The following ZNF571 variants were observed in gnomAD, a reference collection of about 807,000 sequenced individuals.
ZNF571 encodes zinc finger protein 571.
In ZNF571, 4 loss-of-function variants were observed where a neutral mutation model predicts 7.7. That is an observed-to-expected ratio of 0.52 (90% CI 0.25 to 1.18). The LOEUF (loss-of-function observed/expected upper bound fraction) is 1.18, where lower values mean the gene tolerates loss of function less well. Ranked by LOEUF, ZNF571 falls within the 50% of genes most tolerant of loss-of-function variation. The probability of loss-of-function intolerance (pLI) is 0.14; values close to 1 mark genes in which losing one functional copy is unlikely to be tolerated. For missense variants in ZNF571, 704 were observed against 726.9 expected, an observed-to-expected ratio of 0.97 and a Z score of 0.36; for synonymous variants, 251 against 232.4, an observed-to-expected ratio of 1.08 and a Z score of -0.73.
intron 1 of ZNF571, among the ~76,000 whole-genome samples, chr19:37,592,925 T>C (rs1454136730): frequency 6.6e-6 from 1 of 152,178 alleles, no homozygotes; most frequent in African/African-American, 2.4e-5. Flanking sequence ...CTATCATGCA[T>C]TAAGTAAGTT....
intron 1 of ZNF571, among the ~76,000 whole-genome samples, chr19:37,588,263 A>G (rs1053698807): frequency 6.6e-6 from 1 of 152,114 alleles, no homozygotes; most frequent in African/African-American, 2.4e-5. Context: ...AGATACATTC[A>G]ATTTAAATTC....
chr19:37,573,796 G>A (rs1364171820), intron 3 of ZNF571, among the ~76,000 whole-genome samples: 1 of 149,658 alleles, frequency 6.7e-6, no homozygotes, highest in Non-Finnish European at 1.5e-5. Flanking sequence ...CTGTGCCACT[G>A]CACTCCAGTC....
At position 37,566,015 on chromosome 19, in the gene ZNF571, A is replaced by G. The variant is rs2042844678; in HGVS notation, c.413T>C (p.Leu138Ser). 2 of 1,613,938 alleles carry G rather than the reference A, an allele frequency of 1.2e-6. No individual in the cohort carries two copies. The highest frequency in any genetic ancestry group is 1.3e-5 in the African/African-American group (1 of 74,924). ...TTGTCTGCATTCCTTACATTTGTACAATTTTTCCTTGGTAGGAATTATCCG... is the reference window on the plus strand; with the variant it reads ...TTGTCTGCATTCCTTACATTTGTACGATTTTTCCTTGGTAGGAATTATCCG... ...FHRIIPTKEK[L>S]YKCKECRQGF... The change falls in exon 4 of 4, where the codon TTG (leucine) becomes TCG (serine). Residue 138 changes from leucine (L) to serine (S), a missense_variant. Physicochemically the swap from Leu to Ser is moderately radical, Grantham distance 145. Transcript: ENST00000451802.
In ZNF571 at chr19:37,584,065, G is replaced by A. The variant is rs763750519; in HGVS notation, c.42C>T (p.Asp14=). ...LLVTFRDVAI[D]FSQEEWECLD... ...GGCATTCCCATTCCTCCTGAGAGAA[G>A]TCAATGGCCACATCCCTGAAAGTCA... The change falls in exon 3 of 4, where the codon GAC becomes GAT. Residue 14 remains aspartate, a synonymous_variant. Coordinates refer to ENST00000451802, the MANE Select transcript of ZNF571 (RefSeq NM_016536.5). The A allele has an allele frequency of 1.2e-6, 2 of 1,614,144 alleles. No homozygotes were observed. The highest frequency in any genetic ancestry group is 2.2e-5 in the South Asian group (2 of 91,086).
At chr19:37,578,804 C>T (rs939515418) in intron 3 of ZNF571, among the ~76,000 whole-genome samples, 1 of 152,088 alleles carries the variant, frequency 6.6e-6, no homozygotes, top group Non-Finnish European at 1.5e-5. Context: ...GCAGCAACCG[C>T]ACCTCTGCAG....
intron 3 of ZNF571, among the ~76,000 whole-genome samples, chr19:37,574,884 C>T (rs1353350703): frequency 6.6e-6 from 1 of 152,216 alleles, no homozygotes; most frequent in Non-Finnish European, 1.5e-5. Context: ...TGGCCACAGC[C>T]ATGAGTCGGC....
intron 1 of ZNF571, among the ~76,000 whole-genome samples, chr19:37,589,795 T>G (rs549627818): frequency 1.1e-4 from 14 of 129,902 alleles, no homozygotes; most frequent in Admixed American, 6.6e-4. Flanking sequence ...AACCCGGGAG[T>G]TGGAGGTTAC....
In ZNF571 at chr19:37,564,727, A is replaced by G. The variant is rs750971220; in HGVS notation, c.1701T>C (p.Phe567=). Residue 567 remains phenylalanine (F), a synonymous_variant, in exon 4 of 4, where the codon TTT becomes TTC. Coordinates refer to ENST00000451802, the MANE Select transcript of ZNF571 (RefSeq NM_016536.5). ...PYECKECGRA[F]SRGSELTLHQ... Reference sequence around the variant, plus strand: ...GCAGAGTAAGTTCTGAGCCACGACTAAAGGCCCTCCCACATTCCTTACATT... The same window carrying G: ...GCAGAGTAAGTTCTGAGCCACGACTGAAGGCCCTCCCACATTCCTTACATT... 1 of 1,613,662 alleles carries G rather than the reference A, an allele frequency of 6.2e-7. No individual in the cohort carries two copies. Among genetic ancestry groups the G allele is most frequent in the Non-Finnish European group, 8.5e-7 (1 of 1,179,650 alleles).
intron 3 of ZNF571, among the ~76,000 whole-genome samples, chr19:37,582,401 T>A (rs1340304012): frequency 6.6e-6 from 1 of 152,232 alleles, no homozygotes; most frequent in Non-Finnish European, 1.5e-5. Context: ...TCTTCCTAGG[T>A]CACAGGTTAC....
Position 37,564,821 on chromosome 19 carries a change from C to T in ZNF571, c.1607G>A (p.Gly536Glu), listed in dbSNP as rs755147677. The T allele has an allele frequency of 7.4e-6, 12 of 1,613,932 alleles. No homozygotes were observed. In the South Asian group the frequency reaches 1.2e-4, roughly 16 times the overall value. The change falls in exon 4 of 4, where the codon GGG becomes GAG. Residue 536 changes from glycine (G) to glutamate (E), a missense_variant. Physicochemically the swap from Gly to Glu is moderately conservative, Grantham distance 98. Coordinates refer to ENST00000451802, the MANE Select transcript of ZNF571 (RefSeq NM_016536.5). The part of the protein sequence containing the change: ...GEKPYECKQC[G>E]KAFIRGSHLT... Reference sequence around the variant, plus strand: ...GTGTGAGCCACGAATAAAAGCCTTCCCACACTGTTTACATTCATAAGGTTT... The same window carrying T: ...GTGTGAGCCACGAATAAAAGCCTTCTCACACTGTTTACATTCATAAGGTTT...
rs1456357022 is a variant in ZNF571 at position 37,565,289 on chromosome 19, TAAG to T, written c.1136_1138del (p.Thr379_Tyr380delinsAsn). On this transcript the variant is annotated inframe_deletion, in exon 4 of 4. Coordinates refer to ENST00000451802, the MANE Select transcript of ZNF571 (RefSeq NM_016536.5). ...CTCACCTGAATGAACTCTCAGGTGG[TAAG>T]TAAGTTGTGAGCCACGAAAAAAGGT... The T allele has an allele frequency of 1.9e-6, 3 of 1,610,216 alleles. No homozygotes were observed. The South Asian group carries it at 3.3e-5, about 18-fold the overall frequency.
At chr19:37,589,783 T>C (rs1296949081) in intron 1 of ZNF571, among the ~76,000 whole-genome samples, 1 of 135,804 alleles carries the variant, frequency 7.4e-6, no homozygotes, top group Admixed American at 8.4e-5. Context: ...AAGAATTGCT[T>C]GAACCCGGGA....
At chr19:37,585,440 A>T (rs948174274) in intron 2 of ZNF571, 1 of 152,290 alleles carries the variant, frequency 6.6e-6, no homozygotes, top group Non-Finnish European at 1.5e-5. Flanking sequence ...GACCAGCCTG[A>T]TAAGAATAGG....
chr19:37,568,004 G>A (rs533527482), intron 3 of ZNF571, among the ~76,000 whole-genome samples: 85 of 152,160 alleles, frequency 5.6e-4, no homozygotes, highest in South Asian at 1.2e-3. Context: ...TCCCAAAGAA[G>A]TACCTCAAAA....
At chr19:37,584,140 T>A in intron 2 of ZNF571, 43 bp from the exon 3 acceptor site, 1 of 1,611,752 alleles carries the variant, frequency 6.2e-7, no homozygotes, top group Non-Finnish European at 8.5e-7. Context: ...ACAGGAATGA[T>A]TCTGAAGTGA....
intron 3 of ZNF571, among the ~76,000 whole-genome samples, chr19:37,578,575 G>A (rs1027854677): frequency 6.6e-6 from 1 of 152,190 alleles, no homozygotes. Context: ...AGTGGAAGCC[G>A]CAGTCACAGT....
chr19:37,574,636 A>C (rs2043181640), intron 3 of ZNF571, among the ~76,000 whole-genome samples: 1 of 152,198 alleles, frequency 6.6e-6, no homozygotes, highest in Non-Finnish European at 1.5e-5. Flanking sequence ...TTCATGGTTT[A>C]TCACCATACC....
chr19:37,568,439 T>C (rs900074824), intron 3 of ZNF571, among the ~76,000 whole-genome samples: 1 of 151,984 alleles, frequency 6.6e-6, no homozygotes, highest in Non-Finnish European at 1.5e-5. Context: ...ATATGGTTTA[T>C]AAAACACTGA....
chr19:37,581,399 G>T (rs956320981), intron 3 of ZNF571, among the ~76,000 whole-genome samples: 1 of 151,520 alleles, frequency 6.6e-6, no homozygotes, highest in Non-Finnish European at 1.5e-5. Flanking sequence ...CACCACCACT[G>T]AAGTTACCAG....
Sources: allele counts gnomAD v4.1 joint callset (sites outside exome capture counted in the v4.1 genomes callset), GRCh38; gene constraint gnomAD v4.1.1; transcripts MANE v1.5; gene names NCBI Gene and HGNC (gene_info 2026-07-23, HGNC 2026-07-21).